The following TAFA1 variants were observed in gnomAD, a reference collection of about 807,000 sequenced individuals.
The protein encoded by TAFA1 is TAFA chemokine like family member 1, also known as chemokine-like protein TAFA-1.
Under a neutral mutation model 18.5 loss-of-function variants are expected in TAFA1, and 4 were observed. The observed-to-expected ratio is 0.22, with a 90% CI of 0.11 to 0.49. TAFA1 has a LOEUF of 0.49. Ranked by LOEUF, TAFA1 falls within the 20% of genes least tolerant of loss-of-function variation. The pLI, the probability that TAFA1 is intolerant of heterozygous loss-of-function variation, is 0.98. For missense variants in TAFA1, 147 were observed against 169.0 expected (o/e 0.87, Z 0.72); for synonymous variants, 56 against 55.2 (o/e 1.01, Z -0.06).
intron 2 of TAFA1, among the ~76,000 whole-genome samples, chr3:68,383,584 G>T (rs1351806820): frequency 1.3e-5 from 2 of 151,970 alleles, no homozygotes; most frequent in East Asian, 1.9e-4. Context: ...TCAGTTTGCT[G>T]GTGTTTTGTT....
intron 2 of TAFA1, among the ~76,000 whole-genome samples, chr3:68,120,245 C>CT (rs1334793743): frequency 3.1e-5 from 2 of 65,208 alleles, no homozygotes; most frequent in African/African-American, 1.1e-4. Flanking sequence ...TTCTTTCTTT[C>CT]TTTCTTTCTT....
At chr3:68,389,359 T>G (rs2070175302) in intron 2 of TAFA1, among the ~76,000 whole-genome samples, 1 of 152,098 alleles carries the variant, frequency 6.6e-6, no homozygotes, top group Non-Finnish European at 1.5e-5. Flanking sequence ...ATTCATTTCT[T>G]ATATTATCTT....
intron 3 of TAFA1, among the ~76,000 whole-genome samples, chr3:68,443,497 CAAAAAA>C: frequency 8.1e-6 from 1 of 122,908 alleles, no homozygotes; most frequent in East Asian, 2.3e-4. Context: ...AAAAAAAAAA[CAAAAAA>C]AAAGAGGTTT....
At chr3:68,370,363 C>CAA in intron 2 of TAFA1, among the ~76,000 whole-genome samples, 1 of 58,596 alleles carries the variant, frequency 1.7e-5, no homozygotes, top group Non-Finnish European at 3.3e-5. Context: ...TACACACACA[C>CAA]ACACATATAT....
At chr3:68,524,772 A>T (rs1297836937) in intron 3 of TAFA1, among the ~76,000 whole-genome samples, 1 of 151,546 alleles carries the variant, frequency 6.6e-6, no homozygotes, top group Admixed American at 6.6e-5. Flanking sequence ...CCGGGTTCAC[A>T]CCATTCTCCT....
At chr3:68,195,511 A>C (rs1348035327) in intron 2 of TAFA1, among the ~76,000 whole-genome samples, 2 of 151,164 alleles carry the variant, frequency 1.3e-5, no homozygotes, top group Admixed American at 6.6e-5. Flanking sequence ...TAACTGCCCC[A>C]CCGAAAGGAC....
At chr3:68,237,958 C>T in intron 2 of TAFA1, among the ~76,000 whole-genome samples, 1 of 151,868 alleles carries the variant, frequency 6.6e-6, no homozygotes, top group East Asian at 1.9e-4. Context: ...TGTGTCTGCC[C>T]TCCTTGCTTT....
chr3:68,359,729 A>C (rs1428547274), intron 2 of TAFA1, among the ~76,000 whole-genome samples: 1 of 151,972 alleles, frequency 6.6e-6, no homozygotes, highest in African/African-American at 2.4e-5. Context: ...TCAGGCCACC[A>C]AGATTGTGGT....
At chr3:68,448,739 A>T (rs148276863) in intron 3 of TAFA1, among the ~76,000 whole-genome samples, 1 of 152,360 alleles carries the variant, frequency 6.6e-6, no homozygotes, top group African/African-American at 2.4e-5. Context: ...AAAGAAATTT[A>T]ATAACTTCTC....
At chr3:68,214,597 G>C (rs2066632745) in intron 2 of TAFA1, among the ~76,000 whole-genome samples, 1 of 151,962 alleles carries the variant, frequency 6.6e-6, no homozygotes, top group Non-Finnish European at 1.5e-5. Context: ...CTTTGAGCAA[G>C]TTCCTTAGTT....
chr3:68,221,330 G>T (rs527724388), intron 2 of TAFA1, among the ~76,000 whole-genome samples: 2 of 152,088 alleles, frequency 1.3e-5, no homozygotes, highest in Non-Finnish European at 2.9e-5. Flanking sequence ...GTCTAAAAAG[G>T]GGGGGATGGG....
intron 2 of TAFA1, among the ~76,000 whole-genome samples, chr3:68,183,716 C>T (rs964867053): frequency 6.6e-6 from 1 of 152,080 alleles, no homozygotes; most frequent in African/African-American, 2.4e-5. Context: ...GATTTCCAAC[C>T]CACTTTGGTA....
intron 2 of TAFA1, among the ~76,000 whole-genome samples, chr3:68,376,772 G>C (rs1051369521): frequency 1.3e-5 from 2 of 152,172 alleles, no homozygotes; most frequent in Non-Finnish European, 2.9e-5. Flanking sequence ...TATATACCCA[G>C]TGATATGGTT....
intron 2 of TAFA1, among the ~76,000 whole-genome samples, chr3:68,242,887 G>A (rs902804766): frequency 2.6e-5 from 4 of 151,846 alleles, no homozygotes; most frequent in Non-Finnish European, 4.4e-5. Flanking sequence ...TATTTCCTAA[G>A]AAGCATTTTA....
At chr3:68,515,223 T>C (rs1010832457) in intron 3 of TAFA1, among the ~76,000 whole-genome samples, 3 of 152,104 alleles carry the variant, frequency 2.0e-5, no homozygotes, top group Non-Finnish European at 4.4e-5. Flanking sequence ...CTAAAAAGGG[T>C]GGGTGGAAGC....
intron 2 of TAFA1, among the ~76,000 whole-genome samples, chr3:68,127,589 A>AATG (rs1205317007): frequency 0.012 from 6 of 502 alleles, no homozygotes; most frequent in African/African-American, 0.018. Flanking sequence ...TAGTGATGGT[A>AATG]GCAGTGGATG....
chr3:68,462,473 T>G (rs531596511), intron 3 of TAFA1, among the ~76,000 whole-genome samples: 16 of 152,284 alleles, frequency 1.1e-4, no homozygotes, highest in African/African-American at 3.4e-4. Flanking sequence ...ACCATGATCA[T>G]GAGGCCTCAC....
intron 3 of TAFA1, among the ~76,000 whole-genome samples, chr3:68,482,592 C>G (rs1022088469): frequency 6.6e-6 from 1 of 152,192 alleles, no homozygotes; most frequent in Non-Finnish European, 1.5e-5. Context: ...TTTTGCCACA[C>G]AGCTTTCATT....
intron 2 of TAFA1, among the ~76,000 whole-genome samples, chr3:68,330,766 G>A (rs1273976582): frequency 6.6e-6 from 1 of 152,104 alleles, no homozygotes; most frequent in East Asian, 1.9e-4. Flanking sequence ...TATAATTTTG[G>A]AAGTTTTTAG....
Sources: gnomAD v4.1 joint callset for allele counts (sites outside exome capture counted in the v4.1 genomes callset) on GRCh38, gnomAD v4.1.1 for gene constraint, MANE v1.5 for transcripts, NCBI Gene and HGNC (gene_info 2026-07-23, HGNC 2026-07-21) for gene names.